ICAM3: variants seen among roughly 807,000 people sequenced by gnomAD.
ICAM3 encodes the protein ICAM-3.
A neutral mutation model predicts 43.6 loss-of-function variants in ICAM3; 54 were observed. That is an observed-to-expected ratio of 1.24 (90% CI 0.99 to 1.55). ICAM3 has a LOEUF of 1.55. ICAM3 is among the 40% of genes most tolerant of loss of function. The pLI is 0.00. For synonymous variants in ICAM3, 306 were observed against 312.6 expected (o/e 0.98, Z 0.22); for missense variants, 715 against 717.9 (o/e 1.00, Z 0.05).
chr19:10,334,309 G>A lies in ICAM3; in HGVS notation c.1292C>T (p.Pro431Leu), dbSNP rs1386011671. ...GCCTTCCTTCAAACACCGCAGCTCGGGGTACGGGTTGCCCCTGGCTTGGCA... is the reference window on the plus strand; with the variant it reads ...GCCTTCCTTCAAACACCGCAGCTCGAGGTACGGGTTGCCCCTGGCTTGGCA... ...LQCQARGNPYPELRCLKEGSS... is the reference protein window; with the variant it reads ...LQCQARGNPYLELRCLKEGSS... Residue 431 changes from proline to leucine, a missense_variant, in exon 6 of 7, where the codon CCC becomes CTC. By Grantham distance (98) the Pro-to-Leu change is moderately conservative. Transcript: ENST00000160262. This position sits in a 1 kb window ranked among gnomAD's most constrained non-coding sequence, Gnocchi z 5.5. The A allele has an allele frequency of 1.2e-6, 2 of 1,614,062 alleles. No homozygotes were observed. The highest frequency in any genetic ancestry group is 1.3e-5 in the African/African-American group (1 of 74,922).
rs748204651 is a variant in ICAM3 at position 10,334,195 on chromosome 19, C to T, written c.1406G>A (p.Gly469Asp). 3.1e-6 allele frequency: 5 copies of T among 1,613,910 alleles called. No individual in the cohort carries two copies. The highest frequency in any genetic ancestry group is 1.7e-5 in the Admixed American group (1 of 59,968). ...TYQCQASSSR[G>D]KYTLVVVMDI... ...CATCACCACGACCAGGGTGTATTTG[C>T]CTCGTGAGCTGGACGCTTGGCACTG... The change falls in exon 6 of 7, where the codon GGC becomes GAC. Residue 469 changes from glycine (G) to aspartate (D), a missense_variant. Transcript: ENST00000160262. The surrounding 1 kb of genome is among the most constrained non-coding windows in gnomAD (Gnocchi z 5.5).
chr19:10,337,416 CAAA>C (rs1227458863), intron 2 of ICAM3, among the ~76,000 whole-genome samples: 4 of 74,244 alleles, frequency 5.4e-5, no homozygotes, highest in Admixed American at 1.5e-4. Flanking sequence ...GACTCTGTCT[CAAA>C]AAAAAAAAAA....
At position 10,335,720 on chromosome 19, in the gene ICAM3, C is replaced by A. The variant is rs772399003; in HGVS notation, c.600G>T (p.Gly200=). 2 of 1,610,224 alleles carry A rather than the reference C, an allele frequency of 1.2e-6. No individual in the cohort carries two copies. The highest frequency in any genetic ancestry group is 1.7e-6 in the Non-Finnish European group (2 of 1,178,720). ...CTGAGGTGTTCACGAACAGTCCCAGCCCCTGGGGCTGCATGTCCAGTTCTG... is the reference window on the plus strand; with the variant it reads ...CTGAGGTGTTCACGAACAGTCCCAGACCCTGGGGCTGCATGTCCAGTTCTG... ...CRTELDMQPQ[G]LGLFVNTSAP... is the part of the protein sequence containing the mutation. The change falls in exon 3 of 7, where the codon GGG becomes GGT. Residue 200 remains glycine, a synonymous_variant. Coordinates refer to ENST00000160262, the MANE Select transcript of ICAM3 (RefSeq NM_002162.5).
chr19:10,333,957 C>T lies in ICAM3; in HGVS notation c.1544G>A (p.Arg515Gln), dbSNP rs750220715. The T allele has an allele frequency of 1.2e-6, 2 of 1,614,142 alleles. No homozygotes were observed. The highest frequency in any genetic ancestry group is 1.1e-5 in the South Asian group (1 of 91,088). Residue 515 changes from arginine (R) to glutamine (Q), a missense_variant, in exon 7 of 7, where the codon CGG becomes CAG. Transcript: ENST00000160262. The surrounding 1 kb of genome is among the most constrained non-coding windows in gnomAD (Gnocchi z 4.2). ...ALMYVFREHQ[R>Q]SGSYHVREES... ...CTCCCTAACATGGTAACTGCCGCTC[C>T]GTTGGTGCTCCCTGAAGACGTACAT...
chr19:10,338,898 G>A lies in ICAM3; in HGVS notation c.127C>T (p.Leu43Phe), dbSNP rs770325446. The A allele has an allele frequency of 1.2e-6, 2 of 1,614,098 alleles. No homozygotes were observed. Among genetic ancestry groups the A allele is most frequent in the East Asian group, 2.2e-5 (1 of 44,884 alleles). Residue 43 changes from leucine to phenylalanine, a missense_variant, in exon 2 of 7, where the codon CTC (leucine) becomes TTC (phenylalanine). Transcript: ENST00000160262. ...ACAAACAGGGACCCTCCAGCAGAGA[G>A]CACAGGGTTCTGGGGCTCCACCCGC... ...LLRVEPQNPV[L>F]SAGGSLFVNC...
Position 10,335,040 on chromosome 19 carries a change from C to T in ICAM3, c.937+26G>A, listed in dbSNP as rs138420692. The T allele has an allele frequency of 2.2e-3, 3,565 of 1,601,592 alleles. 65 individuals are homozygous for T. In the African/African-American group the frequency reaches 0.043, roughly 19 times the overall value. ...CCACGCCCCCAGACTGCTGAGGCCG[C>T]GCCCCCTTCCCACGCCTCCTCTTAC... On this transcript the variant is annotated intron_variant, in intron 4 of 6. Coordinates refer to ENST00000160262, the MANE Select transcript of ICAM3 (RefSeq NM_002162.5).
At chr19:10,336,547 T>G (rs2040599543) in intron 2 of ICAM3, among the ~76,000 whole-genome samples, 1 of 152,210 alleles carries the variant, frequency 6.6e-6, no homozygotes. Context: ...GGCTCATGCC[T>G]GTAATCCCAG....
intron 2 of ICAM3, among the ~76,000 whole-genome samples, chr19:10,337,434 A>AC (rs1206689881): frequency 1.3e-5 from 2 of 150,898 alleles, no homozygotes; most frequent in Non-Finnish European, 3.0e-5. Context: ...AAAAAAAAGA[A>AC]AAGAAAAGAA....
At position 10,334,926 on chromosome 19, in the gene ICAM3, C is replaced by A. The variant is rs1217013474; in HGVS notation, c.937+140G>T. On this transcript the variant is annotated intron_variant, in intron 4 of 6. Transcript: ENST00000160262. The surrounding 1 kb of genome is among the most constrained non-coding windows in gnomAD (Gnocchi z 5.5). ...CCTCGCCCTCTTTCCGCGCTGTGTC[C>A]AGCTTCGGGCACTCAGGCCCAACCC... is the stretch of plus-strand genomic sequence containing the variant. The A allele has an allele frequency of 1.4e-6, 2 of 1,445,710 alleles. No homozygotes were observed. The highest frequency in any genetic ancestry group is 1.4e-5 in the African/African-American group (1 of 70,428). The allele number at this position is 1,445,710 out of a possible 1,614,324, so 89.6% of individuals were successfully genotyped here.
chr19:10,334,555 TC>T lies in ICAM3; in HGVS notation c.1164del (p.Asn389ThrfsTer23), dbSNP rs1407581183. The T allele has an allele frequency of 6.2e-7, 1 of 1,612,884 alleles. No homozygotes were observed. Among genetic ancestry groups the T allele is most frequent in the African/African-American group, 1.3e-5 (1 of 74,880 alleles). On this transcript the variant is annotated frameshift_variant, in exon 5 of 7. Coordinates refer to ENST00000160262, the MANE Select transcript of ICAM3 (RefSeq NM_002162.5). LOFTEE classifies it high-confidence loss of function. This position sits in a 1 kb window ranked among gnomAD's most constrained non-coding sequence, Gnocchi z 5.5. ...TLEVDGEFLH[R>X]NSSVQLRVLY... ...AGGACTCGCAGCTGGACGCTACTGT[TC>T]CTGTGCAAGAACTCGCCGTCCACCT... is the stretch of plus-strand genomic sequence containing the variant.
At chr19:10,335,480 A>G (rs1365961857) in intron 3 of ICAM3, 127 bp from the exon 4 acceptor site, 2 of 1,126,278 alleles carry the variant, frequency 1.8e-6, no homozygotes, top group Non-Finnish European at 2.5e-6. Context: ...ACACAGGGCC[A>G]TGAAAACGGC....
intron 2 of ICAM3, among the ~76,000 whole-genome samples, chr19:10,338,366 G>A (rs1283667427): frequency 1.3e-5 from 2 of 149,468 alleles, no homozygotes; most frequent in East Asian, 3.9e-4. Context: ...TCGTGCCACT[G>A]CACTCCAGCC....
At chr19:10,339,416 A>G (rs2040632855) in intron 1 of ICAM3, 123 bp downstream of exon 1, 1 of 819,452 alleles carries the variant, frequency 1.2e-6, no homozygotes, top group Non-Finnish European at 2.0e-6. Context: ...TCCCGAGGAT[A>G]CAGAGTCAGC....
rs779683160 is a variant in ICAM3, at chr19:10,334,760, G to C, written c.960C>G (p.Asn320Lys). 1 of 1,605,724 alleles carries C rather than the reference G, an allele frequency of 6.2e-7. No homozygotes were observed. The highest frequency in any genetic ancestry group is 8.5e-7 in the Non-Finnish European group (1 of 1,174,902). ...CCTCATGGGCGGTGGGCTCGCTGAG[G>C]TTCACAATGGGTCCTAGGAAGCCTA... ...TVFSFLGPIV[N>K]LSEPTAHEGS... The change falls in exon 5 of 7, where the codon AAC (asparagine) becomes AAG (lysine). Residue 320 changes from asparagine to lysine, a missense_variant. Physicochemically the swap from Asn to Lys is moderately conservative, Grantham distance 94. Transcript: ENST00000160262. The surrounding 1 kb of genome is among the most constrained non-coding windows in gnomAD (Gnocchi z 5.5).
At chr19:10,335,380 ACC>A in intron 3 of ICAM3, 27 bp from the exon 4 acceptor site, 1 of 1,545,696 alleles carries the variant, frequency 6.5e-7, no homozygotes, top group Non-Finnish European at 8.7e-7. Context: ...GCATAGTACA[ACC>A]CCCAGGACTG....
rs1305338197 is a variant in ICAM3, at chr19:10,335,261, GA to G, written c.741del (p.Pro248GlnfsTer16). 2 of 1,613,446 alleles carry G rather than the reference GA, an allele frequency of 1.2e-6. No homozygotes were observed. Among genetic ancestry groups the G allele is most frequent in the Non-Finnish European group, 1.7e-6 (2 of 1,180,024 alleles). On this transcript the variant is annotated frameshift_variant, in exon 4 of 7. Coordinates refer to ENST00000160262, the MANE Select transcript of ICAM3 (RefSeq NM_002162.5). LOFTEE classifies it high-confidence loss of function. Reference protein sequence around the residue: ...WPVDCTLDGLFPASEAQVYLA... With the variant: ...WPVDCTLDGLXPASEAQVYLA... ...AGGTAGACCTGGGCCTCTGAGGCTG[GA>G]AAAAGCCCGTCTAGGGTGCAGTCCA... is the stretch of plus-strand genomic sequence containing the variant.
In ICAM3 at chr19:10,335,108, CT is replaced by C; in HGVS notation, c.894del (p.Gly300AlafsTer10). The C allele has an allele frequency of 6.2e-7, 1 of 1,613,690 alleles. No individual in the cohort carries two copies. The highest frequency in any genetic ancestry group is 8.5e-7 in the Non-Finnish European group (1 of 1,179,902). The stretch of plus-strand genomic sequence containing the variant: ...TCCCGGGCCTCCCGTCTCTCGCCCC[CT>C]AGGGTCACGTTGCAGACGATCTCCC... ...GAREIVCNVTLGGERREAREN... is the reference protein window; with the variant it reads ...GAREIVCNVTXGGERREAREN... On this transcript the variant is annotated frameshift_variant, in exon 4 of 7. Coordinates refer to ENST00000160262, the MANE Select transcript of ICAM3 (RefSeq NM_002162.5). LOFTEE classifies it high-confidence loss of function.
In ICAM3 at chr19:10,338,944, G is replaced by A. The variant is rs1374217961; in HGVS notation, c.81C>T (p.Val27=). ...LLVCCLLTPG[V]QGQEFLLRVE... ...CCCGCAAAAGGAACTCCTGCCCCTGGACACCTTCAGGAACATGAAGAAGTC... is the reference window on the plus strand; with the variant it reads ...CCCGCAAAAGGAACTCCTGCCCCTGAACACCTTCAGGAACATGAAGAAGTC... Residue 27 remains valine, a synonymous_variant, in exon 2 of 7, where the codon GTC becomes GTT. Coordinates refer to ENST00000160262, the MANE Select transcript of ICAM3 (RefSeq NM_002162.5). The A allele has an allele frequency of 1.2e-6, 2 of 1,613,698 alleles. No individual in the cohort carries two copies. The highest frequency in any genetic ancestry group is 2.2e-5 in the South Asian group (2 of 91,070).
In ICAM3 at chr19:10,333,927, C is replaced by T; in HGVS notation, c.1574G>A (p.Ser525Asn). The T allele has an allele frequency of 6.2e-7, 1 of 1,614,008 alleles. No homozygotes were observed. Among genetic ancestry groups the T allele is most frequent in the Non-Finnish European group, 8.5e-7 (1 of 1,180,004 alleles). ...RSGSYHVREE[S>N]TYLPLTSMQP... ...CATAGACGTGAGGGGCAGATAGGTG[C>T]TCTCCTCCCTAACATGGTAACTGCC... The change falls in exon 7 of 7, where the codon AGC becomes AAC. Residue 525 changes from serine to asparagine, a missense_variant. Coordinates refer to ENST00000160262, the MANE Select transcript of ICAM3 (RefSeq NM_002162.5). The surrounding 1 kb of genome is among the most constrained non-coding windows in gnomAD (Gnocchi z 4.2).
Sources: allele counts gnomAD v4.1 joint callset (sites outside exome capture counted in the v4.1 genomes callset), GRCh38; gene constraint gnomAD v4.1.1; non-coding constraint Gnocchi (gnomAD v3.1); transcripts MANE v1.5; gene names NCBI Gene and HGNC (gene_info 2026-07-23, HGNC 2026-07-21).